The following CTNNBIP1 variants were observed in gnomAD, a reference collection of about 807,000 sequenced individuals.
CTNNBIP1 encodes the protein beta-catenin-interacting protein 1.
Under a neutral mutation model 11.8 loss-of-function variants are expected in CTNNBIP1, and 7 were observed. That is an observed-to-expected ratio of 0.60 (90% CI 0.34 to 1.12). The LOEUF is 1.12. Among genes scored for constraint, CTNNBIP1 ranks in the 50% most tolerant of loss-of-function variants. The pLI is 0.03. For synonymous variants in CTNNBIP1, 58 were observed against 43.9 expected (o/e 1.32, Z -1.26); for missense variants, 101 against 113.4 (o/e 0.89, Z 0.50).
intron 1 of CTNNBIP1, among the ~76,000 whole-genome samples, chr1:9,900,327 T>G (rs59533551): frequency 0.12 from 17,880 of 151,616 alleles, 2,902 homozygotes; most frequent in African/African-American, 0.35. Flanking sequence ...CCTGGGAGGT[T>G]GAGGCTGTGA....
Position 9,866,988 on chromosome 1 carries a change from G to A in CTNNBIP1, c.187+4199C>T, listed in dbSNP as rs531865908. ...GGCGCCGTGTACTTGCTGGGCATTG[G>A]TCAGGGCAGAGCACAGGTGGAAAAT... On this transcript the variant is annotated intron_variant, in intron 5 of 5. Coordinates refer to ENST00000377263, the MANE Select transcript of CTNNBIP1 (RefSeq NM_020248.3). 9.2e-4 allele frequency among the ~76,000 whole-genome samples: 140 copies of A among 152,316 alleles called. 1 individual carries two copies. Among genetic ancestry groups the A allele is most frequent in the African/African-American group, 3.2e-3 (133 of 41,570 alleles).
rs1184743945 is a variant in CTNNBIP1 at position 9,872,753 on chromosome 1, G to A, written c.-24-665C>T. ...CAGAGGGTAGCTCCTGCAGGCAGCT[G>A]GGAAGGCCAGCAGCGTGTCCACATG... On this transcript the variant is annotated intron_variant, in intron 3 of 5. Coordinates refer to ENST00000377263, the MANE Select transcript of CTNNBIP1 (RefSeq NM_020248.3). The surrounding 1 kb of genome is among the most constrained non-coding windows in gnomAD (Gnocchi z 4.0). Among the ~76,000 whole-genome samples the A allele has an allele frequency of 6.6e-6, 1 of 152,158 alleles. No individual in the cohort carries two copies. Among genetic ancestry groups the A allele is most frequent in the Non-Finnish European group, 1.5e-5 (1 of 68,018 alleles).
chr1:9,888,843 A>G (rs1639240300), intron 1 of CTNNBIP1, among the ~76,000 whole-genome samples: 1 of 152,184 alleles, frequency 6.6e-6, no homozygotes, highest in Non-Finnish European at 1.5e-5. Context: ...ACGCTGTTCC[A>G]GGTCCAGAGC....
At chr1:9,900,696 C>G (rs1639505377) in intron 1 of CTNNBIP1, among the ~76,000 whole-genome samples, 2 of 152,350 alleles carry the variant, frequency 1.3e-5, no homozygotes, top group Non-Finnish European at 2.9e-5. Flanking sequence ...CCACCACAAA[C>G]TCTGGAAGAC....
intron 1 of CTNNBIP1, among the ~76,000 whole-genome samples, chr1:9,899,690 C>T (rs1220382): frequency 0.15 from 22,351 of 151,560 alleles, 1,750 homozygotes; most frequent in South Asian, 0.21. Context: ...ACCCGGGAGG[C>T]GGAGGTTGCA....
chr1:9,905,307 T>C (rs1015076934), intron 1 of CTNNBIP1, among the ~76,000 whole-genome samples: 3 of 152,152 alleles, frequency 2.0e-5, no homozygotes, highest in Admixed American at 2.0e-4. Context: ...TCCCCCTAGA[T>C]CACCATCCAT....
At chr1:9,868,672 G>A (rs1206914447) in intron 5 of CTNNBIP1, among the ~76,000 whole-genome samples, 1 of 152,182 alleles carries the variant, frequency 6.6e-6, no homozygotes, top group Non-Finnish European at 1.5e-5. Context: ...CTGTTGCCCA[G>A]GCTGGAGTAA....
At chr1:9,887,395 A>G (rs1160424734) in intron 1 of CTNNBIP1, among the ~76,000 whole-genome samples, 4 of 152,236 alleles carry the variant, frequency 2.6e-5, no homozygotes, top group Non-Finnish European at 2.9e-5. Flanking sequence ...GAGTTGACAG[A>G]CGCATTATCC....
intron 1 of CTNNBIP1, among the ~76,000 whole-genome samples, chr1:9,896,127 C>A (rs1220384): frequency 0.17 from 26,081 of 152,018 alleles, 2,400 homozygotes; most frequent in South Asian, 0.35. Context: ...CTTTGTTTAT[C>A]AGGATATTAA....
Position 9,871,039 on chromosome 1 carries a change from G to A in CTNNBIP1, c.187+148C>T, listed in dbSNP as rs766133478. 3.3e-6 allele frequency: 2 copies of A among 609,734 alleles called. No individual in the cohort carries two copies. Among genetic ancestry groups the A allele is most frequent in the African/African-American group, 1.9e-5 (1 of 53,182 alleles). 37.8% of individuals were successfully genotyped at this position (609,734 alleles called of 1,614,324 possible). ...GAAGGTTTCCTGGCTCAGCTCTGTGGGTGGAGAGAGCTGTAGCCCCTCCTA... is the reference window on the plus strand; with the variant it reads ...GAAGGTTTCCTGGCTCAGCTCTGTGAGTGGAGAGAGCTGTAGCCCCTCCTA... On this transcript the variant is annotated intron_variant, in intron 5 of 5. Coordinates refer to ENST00000377263, the MANE Select transcript of CTNNBIP1 (RefSeq NM_020248.3). This position sits in a 1 kb window ranked among gnomAD's most constrained non-coding sequence, Gnocchi z 5.2.
intron 2 of CTNNBIP1, among the ~76,000 whole-genome samples, chr1:9,882,189 A>C (rs1299540783): frequency 6.6e-6 from 1 of 152,132 alleles, no homozygotes; most frequent in African/African-American, 2.4e-5. Flanking sequence ...TGAAGGATGA[A>C]CAGGAGTTTG....
chr1:9,869,650 T>C (rs1343021553), intron 5 of CTNNBIP1, among the ~76,000 whole-genome samples: 1 of 152,202 alleles, frequency 6.6e-6, no homozygotes, highest in African/African-American at 2.4e-5. Context: ...TACTGACATA[T>C]GGTCCTACAT....
chr1:9,900,187 A>G (rs1639495413), intron 1 of CTNNBIP1, among the ~76,000 whole-genome samples: 1 of 152,138 alleles, frequency 6.6e-6, no homozygotes, highest in Non-Finnish European at 1.5e-5. Context: ...GCAGATCACA[A>G]GATTGAGACC....
intron 1 of CTNNBIP1, among the ~76,000 whole-genome samples, chr1:9,892,658 A>C (rs924594610): frequency 1.3e-5 from 2 of 152,196 alleles, no homozygotes; most frequent in African/African-American, 4.8e-5. Flanking sequence ...GCATAAAGGT[A>C]TGTGTTAATT....
rs1221665022 is a variant in CTNNBIP1 at position 9,851,780 on chromosome 1, G to A, written c.188-1004C>T. Among the ~76,000 whole-genome samples, 1 of 152,170 alleles carries A rather than the reference G, an allele frequency of 6.6e-6. No homozygotes were observed. Among genetic ancestry groups the A allele is most frequent in the Non-Finnish European group, 1.5e-5 (1 of 68,038 alleles). On this transcript the variant is annotated intron_variant, in intron 5 of 5. Transcript: ENST00000377263. The surrounding 1 kb of genome is among the most constrained non-coding windows in gnomAD (Gnocchi z 4.8). ...CAGGCTCTGATGAGTGGCCAGGACAGGCAGTGGCAGGAGGGCAAAGCTCGA... is the reference window on the plus strand; with the variant it reads ...CAGGCTCTGATGAGTGGCCAGGACAAGCAGTGGCAGGAGGGCAAAGCTCGA...
intron 5 of CTNNBIP1, among the ~76,000 whole-genome samples, chr1:9,861,595 A>G (rs1638627339): frequency 6.6e-6 from 1 of 152,216 alleles, no homozygotes; most frequent in South Asian, 2.1e-4. Flanking sequence ...CAACCACCAC[A>G]GGCACAAGAG....
At chr1:9,894,684 T>C (rs1639373969) in intron 1 of CTNNBIP1, among the ~76,000 whole-genome samples, 1 of 151,928 alleles carries the variant, frequency 6.6e-6, no homozygotes, top group South Asian at 2.1e-4. Context: ...TGCATCACTA[T>C]ACCCAGCTAA....
chr1:9,861,501 G>A (rs1638625213), intron 5 of CTNNBIP1, among the ~76,000 whole-genome samples: 1 of 152,228 alleles, frequency 6.6e-6, no homozygotes, highest in Non-Finnish European at 1.5e-5. Context: ...CTATGGGGAT[G>A]GCGGCCGGCG....
At chr1:9,868,277 A>G (rs553026263) in intron 5 of CTNNBIP1, among the ~76,000 whole-genome samples, 1 of 152,278 alleles carries the variant, frequency 6.6e-6, no homozygotes, top group Non-Finnish European at 1.5e-5. Context: ...CAGCTCCAGA[A>G]GACCCCTCCC....
Sources: gnomAD v4.1 joint callset for allele counts (sites outside exome capture counted in the v4.1 genomes callset) on GRCh38, gnomAD v4.1.1 for gene constraint, Gnocchi (gnomAD v3.1) non-coding constraint, MANE v1.5 for transcripts, NCBI Gene and HGNC (gene_info 2026-07-23, HGNC 2026-07-21) for gene names.